GMDS: variants seen among roughly 807,000 people sequenced by gnomAD.
The protein encoded by GMDS is GDP-mannose 4,6-dehydratase, also known as GDP-mannose 4,6 dehydratase.
Under a neutral mutation model 49.9 loss-of-function variants are expected in GMDS, and 20 were observed. That is an observed-to-expected ratio of 0.40 (90% CI 0.28 to 0.58). GMDS has a LOEUF of 0.58. GMDS is among the 20% of genes least tolerant of loss of function. The probability of loss-of-function intolerance (pLI) is 0.42; values close to 1 mark genes in which losing one functional copy is unlikely to be tolerated. For synonymous variants in GMDS, 177 were observed against 178.6 expected (o/e 0.99, Z 0.07); for missense variants, 362 against 481.4 (o/e 0.75, Z 2.32).
chr6:1,812,755 T>C (rs568261662), intron 7 of GMDS, among the ~76,000 whole-genome samples: 62 of 152,298 alleles, frequency 4.1e-4, no homozygotes, highest in African/African-American at 1.4e-3. Flanking sequence ...CTCAGTCTCA[T>C]TGAAGAGGAG....
chr6:2,096,760 C>A (rs926887703), intron 4 of GMDS, among the ~76,000 whole-genome samples: 1 of 152,146 alleles, frequency 6.6e-6, no homozygotes, highest in Non-Finnish European at 1.5e-5. Context: ...AAGGGAGGTT[C>A]TCCATTCAAA....
At position 2,155,376 on chromosome 6, in the gene GMDS, A is replaced by G. The variant is rs539676947; in HGVS notation, c.103-30645T>C. On this transcript the variant is annotated intron_variant, in intron 1 of 10. Transcript: ENST00000380815. ...ACAAACAGAAAATTGGACAGTTTCC[A>G]GAAATGAAGTGGATTCACGGCATGA... 2.0e-5 allele frequency among the ~76,000 whole-genome samples: 3 copies of G among 152,316 alleles called. No homozygotes were observed. In the Middle Eastern group the frequency reaches 0.01, roughly 518 times the overall value.
At chr6:2,073,914 G>A (rs894366342) in intron 4 of GMDS, among the ~76,000 whole-genome samples, 17 of 151,996 alleles carry the variant, frequency 1.1e-4, no homozygotes, top group African/African-American at 3.9e-4. Flanking sequence ...TTTGTCCACC[G>A]ATGAACAGTT....
rs78663494 is a variant in GMDS at position 1,662,370 on chromosome 6, C to T, written c.988-37830G>A. On this transcript the variant is annotated intron_variant, in intron 9 of 10. Transcript: ENST00000380815. ...AAACAGTGACATGGCAGGAGGGCCT[C>T]TGGGAAGAGCTGCAGAAGGTGCAGA... Among the ~76,000 whole-genome samples the T allele has an allele frequency of 6.3e-4, 96 of 152,210 alleles. 1 individual carries two copies. The East Asian group carries it at 7.7e-3, about 12-fold the overall frequency.
intron 7 of GMDS, among the ~76,000 whole-genome samples, chr6:1,828,849 G>A (rs1425925192): frequency 6.6e-6 from 1 of 151,946 alleles, no homozygotes; most frequent in African/African-American, 2.4e-5. Flanking sequence ...GAGGGTTAGG[G>A]GTGCCAAACC....
At chr6:2,037,497 G>A (rs1412979292) in intron 4 of GMDS, among the ~76,000 whole-genome samples, 3 of 152,174 alleles carry the variant, frequency 2.0e-5, no homozygotes, top group Non-Finnish European at 4.4e-5. Context: ...GGGGGAGGGA[G>A]TAGCAGGAAA....
At chr6:2,081,601 TTTGCA>T (rs1162755063) in intron 4 of GMDS, among the ~76,000 whole-genome samples, 6 of 152,104 alleles carry the variant, frequency 3.9e-5, no homozygotes, top group African/African-American at 1.4e-4. Flanking sequence ...AAAGCCAATG[TTTGCA>T]TTTTAGCAAT....
intron 9 of GMDS, among the ~76,000 whole-genome samples, chr6:1,642,464 C>T (rs772395574): frequency 2.0e-5 from 3 of 152,140 alleles, no homozygotes; most frequent in African/African-American, 7.2e-5. Flanking sequence ...CCACCACACC[C>T]GGCCAGTTTC....
At chr6:1,823,204 T>C (rs1770968976) in intron 7 of GMDS, among the ~76,000 whole-genome samples, 1 of 152,224 alleles carries the variant, frequency 6.6e-6, no homozygotes, top group African/African-American at 2.4e-5. Flanking sequence ...AAATGCCCTC[T>C]AGAGCCAAAC....
At chr6:2,245,255 C>CT in intron 1 of GMDS, 66 bp downstream of exon 1, 1 of 1,086,382 alleles carries the variant, frequency 9.2e-7, no homozygotes, top group Non-Finnish European at 1.4e-6. Context: ...CCACGAGTAG[C>CT]GGCGCGTAGG....
At chr6:2,168,493 A>G (rs1777783571) in intron 1 of GMDS, among the ~76,000 whole-genome samples, 1 of 152,258 alleles carries the variant, frequency 6.6e-6, no homozygotes, top group South Asian at 2.1e-4. Context: ...TTTAGCCTAC[A>G]TCACCACAAA....
At chr6:2,074,236 C>CT (rs1379279137) in intron 4 of GMDS, among the ~76,000 whole-genome samples, 1 of 152,124 alleles carries the variant, frequency 6.6e-6, no homozygotes, top group Non-Finnish European at 1.5e-5. Context: ...GATATATCAT[C>CT]CTTGTATTGA....
Position 1,917,220 on chromosome 6 carries a change from AT to A in GMDS, c.771+12882del, listed in dbSNP as rs551745053. 7.9e-5 allele frequency among the ~76,000 whole-genome samples: 12 copies of A among 152,340 alleles called. No homozygotes were observed. The South Asian group carries it at 1.0e-3, about 13-fold the overall frequency. ...CAACACTTGAAGTCACTAAAAAAAAATGACTTTAAAAATCTCACAAGAATGA... is the reference window on the plus strand; with the variant it reads ...CAACACTTGAAGTCACTAAAAAAAAAGACTTTAAAAATCTCACAAGAATGA... On this transcript the variant is annotated intron_variant, in intron 7 of 10. Coordinates refer to ENST00000380815, the MANE Select transcript of GMDS (RefSeq NM_001500.4).
chr6:2,221,806 G>GA (rs1164186376), intron 1 of GMDS, among the ~76,000 whole-genome samples: 2 of 152,088 alleles, frequency 1.3e-5, no homozygotes, highest in African/African-American at 4.8e-5. Context: ...AAACAACAAC[G>GA]AAAAAAGAAA....
chr6:1,667,907 AGACTGGGACCCTC>A (rs66613420), intron 9 of GMDS, among the ~76,000 whole-genome samples: 28,693 of 151,982 alleles, frequency 0.19, 3,133 homozygotes, highest in East Asian at 0.51. Flanking sequence ...TTTCTAATGA[AGACTGGGACCCTC>A]TCCGTATTCA....
At chr6:1,647,779 G>A (rs62390645) in intron 9 of GMDS, among the ~76,000 whole-genome samples, 4 of 152,112 alleles carry the variant, frequency 2.6e-5, no homozygotes, top group East Asian at 1.9e-4. Flanking sequence ...TTCTCAGGCC[G>A]GAGTGGGGGA....
chr6:1,891,928 C>A (rs528654134), intron 7 of GMDS, among the ~76,000 whole-genome samples: 5 of 152,186 alleles, frequency 3.3e-5, no homozygotes, highest in Non-Finnish European at 2.9e-5. Context: ...CAGAACTCCA[C>A]AAATCCCATC....
intron 7 of GMDS, among the ~76,000 whole-genome samples, chr6:1,857,428 G>A (rs960181889): frequency 1.3e-5 from 2 of 152,212 alleles, no homozygotes; most frequent in African/African-American, 2.4e-5. Flanking sequence ...TCTGGGCTGA[G>A]AGTTGCTGTC....
chr6:1,992,513 C>T (rs987773778), intron 4 of GMDS, among the ~76,000 whole-genome samples: 5 of 152,178 alleles, frequency 3.3e-5, no homozygotes, highest in Admixed American at 6.5e-5. Flanking sequence ...AGGGGCTTTG[C>T]AGCACCTGTT....
Sources: gnomAD v4.1 joint callset for allele counts (sites outside exome capture counted in the v4.1 genomes callset) on GRCh38, gnomAD v4.1.1 for gene constraint, MANE v1.5 for transcripts, NCBI Gene and HGNC (gene_info 2026-07-23, HGNC 2026-07-21) for gene names.